Variants in CCDC152 observed in about 807,000 individuals in gnomAD.
The protein encoded by CCDC152 is coiled-coil domain containing 152, also known as coiled-coil domain-containing protein 152.
CCDC152 carries 37 observed loss-of-function variants against 38.1 expected under a neutral mutation model. That is an observed-to-expected ratio of 0.97 (90% CI 0.75 to 1.28). The LOEUF (loss-of-function observed/expected upper bound fraction) is 1.28, where lower values mean the gene tolerates loss of function less well. Among genes scored for constraint, CCDC152 ranks in the 50% most tolerant of loss-of-function variants. The pLI, the probability that CCDC152 is intolerant of heterozygous loss-of-function variation, is 0.00. For synonymous variants in CCDC152, 83 were observed against 87.1 expected (o/e 0.95, Z 0.26); for missense variants, 259 against 292.1 (o/e 0.89, Z 0.83).
chr5:42,763,803 T>TA (rs1759588315), intron 3 of CCDC152, among the ~76,000 whole-genome samples: 1 of 152,148 alleles, frequency 6.6e-6, no homozygotes, highest in Admixed American at 6.5e-5. Flanking sequence ...CCCTAAAAAG[T>TA]AAAGTTTATT....
intron 4 of CCDC152, among the ~76,000 whole-genome samples, chr5:42,771,127 A>G (rs1759694511): frequency 1.3e-5 from 2 of 152,144 alleles, no homozygotes; most frequent in African/African-American, 2.4e-5. Context: ...GATTTCCAAC[A>G]CTATGTTGAA....
chr5:42,775,716 A>G (rs1283627570), intron 4 of CCDC152, among the ~76,000 whole-genome samples: 1 of 152,158 alleles, frequency 6.6e-6, no homozygotes, highest in Non-Finnish European at 1.5e-5. Flanking sequence ...ATTCAAAATT[A>G]TAGCAACAAT....
At chr5:42,765,687 G>C (rs909670116) in intron 3 of CCDC152, among the ~76,000 whole-genome samples, 1 of 152,144 alleles carries the variant, frequency 6.6e-6, no homozygotes, top group Non-Finnish European at 1.5e-5. Context: ...AATAACTGGT[G>C]CTGGGAAAAC....
chr5:42,794,424 G>A (rs1029099211), intron 6 of CCDC152, among the ~76,000 whole-genome samples: 4 of 152,128 alleles, frequency 2.6e-5, no homozygotes, highest in African/African-American at 9.7e-5. Context: ...AAGAAGCTGT[G>A]GAACCAAACG....
chr5:42,783,387 A>G, intron 5 of CCDC152, 87 bp from the exon 6 acceptor site: 1 of 459,278 alleles, frequency 2.2e-6, no homozygotes, highest in African/African-American at 2.1e-5. Context: ...AAAAAGTAAT[A>G]TGAATGGAGA....
chr5:42,769,230 A>G (rs1052887757), intron 3 of CCDC152, among the ~76,000 whole-genome samples: 1 of 151,932 alleles, frequency 6.6e-6, no homozygotes, highest in African/African-American at 2.4e-5. Context: ...CCTGGACGAC[A>G]GGGCAAGACT....
Position 42,800,808 on chromosome 5 carries a change from T to G in CCDC152, c.*1027T>G, listed in dbSNP as rs1254201194. 1 of 1,614,196 alleles carries G rather than the reference T, an allele frequency of 6.2e-7. No individual in the cohort carries two copies. Among genetic ancestry groups the G allele is most frequent in the South Asian group, 1.1e-5 (1 of 91,090 alleles). On this transcript the variant is annotated 3_prime_UTR_variant, in exon 9 of 9. Coordinates refer to ENST00000361970, the MANE Select transcript of CCDC152 (RefSeq NM_001134848.2). Reference sequence around the variant, plus strand: ...TGTGGGTATAAGCTGCTGACTTATTTGTCAGGCAGCTGGAGGCAAACGTCA... The same window carrying G: ...TGTGGGTATAAGCTGCTGACTTATTGGTCAGGCAGCTGGAGGCAAACGTCA...
intron 6 of CCDC152, among the ~76,000 whole-genome samples, chr5:42,788,472 C>G (rs1180646451): frequency 6.6e-6 from 1 of 152,080 alleles, no homozygotes; most frequent in Non-Finnish European, 1.5e-5. Flanking sequence ...TTTTAGCCTT[C>G]TGAACTCAAA....
rs117705755 is a variant in CCDC152 at position 42,791,886 on chromosome 5, C to A, written c.431-4943C>A. 1.6e-3 allele frequency among the ~76,000 whole-genome samples: 238 copies of A among 152,272 alleles called. 11 individuals are homozygous for A. In the East Asian group the frequency reaches 0.038, roughly 25 times the overall value. On this transcript the variant is annotated intron_variant, in intron 6 of 8. Coordinates refer to ENST00000361970, the MANE Select transcript of CCDC152 (RefSeq NM_001134848.2). ...ACTCACATAGCTCTTCCCAGTACAA[C>A]CTAGATAATTCTTGCAGATACTTTT... is the stretch of plus-strand genomic sequence containing the variant.
chr5:42,786,274 G>T (rs554990428), intron 6 of CCDC152, among the ~76,000 whole-genome samples: 31 of 151,662 alleles, frequency 2.0e-4, no homozygotes, highest in Admixed American at 4.6e-4. Flanking sequence ...GTTGTTGTTG[G>T]TATATTTTTT....
chr5:42,795,092 G>A (rs1268956266), intron 6 of CCDC152, among the ~76,000 whole-genome samples: 1 of 152,154 alleles, frequency 6.6e-6, no homozygotes, highest in Non-Finnish European at 1.5e-5. Context: ...AAACTTGAAT[G>A]AATTTCCAAT....
chr5:42,801,421 T>G lies in CCDC152; in HGVS notation c.*1640T>G. 3 of 973,694 alleles carry G rather than the reference T, an allele frequency of 3.1e-6. No homozygotes were observed. Among genetic ancestry groups the G allele is most frequent in the Non-Finnish European group, 3.0e-6 (2 of 657,836 alleles). The allele number at this position is 973,694 out of a possible 1,614,324, so 60.3% of individuals were successfully genotyped here. A position where few individuals can be genotyped will look rare whatever the true frequency, so the allele number is the denominator to read the frequency against. On this transcript the variant is annotated 3_prime_UTR_variant, in exon 9 of 9. Transcript: ENST00000361970. ...GATTTGTAGAGCTAACATGTGAAATTCCAACTAGTTAATTAGAATCGAGCT... is the reference window on the plus strand; with the variant it reads ...GATTTGTAGAGCTAACATGTGAAATGCCAACTAGTTAATTAGAATCGAGCT...
In CCDC152 at chr5:42,799,474, T is replaced by TTA; in HGVS notation, c.642+16_642+17insTA. 1 of 1,456,866 alleles carries TTA rather than the reference T, an allele frequency of 6.9e-7. No individual in the cohort carries two copies. The highest frequency in any genetic ancestry group is 9.3e-7 in the Non-Finnish European group (1 of 1,075,798). 90.2% of individuals were successfully genotyped at this position (1,456,866 alleles called of 1,614,324 possible). ...CTACAGAAGGGTATGTGAGTTTTCC[T>TTA]CTCAGTATTTGTTGCTTAAGAAAAC... On this transcript the variant is annotated intron_variant, in intron 8 of 8. Transcript: ENST00000361970.
chr5:42,796,164 C>T (rs1032555973), intron 6 of CCDC152, among the ~76,000 whole-genome samples: 1 of 151,458 alleles, frequency 6.6e-6, no homozygotes, highest in Admixed American at 6.6e-5. Context: ...ATGGGTGCAG[C>T]ACACCAGCAT....
At position 42,799,994 on chromosome 5, in the gene CCDC152, G is replaced by A. The variant is rs1405278413; in HGVS notation, c.*213G>A. 14 of 511,552 alleles carry A rather than the reference G, an allele frequency of 2.7e-5. No individual in the cohort carries two copies. The highest frequency in any genetic ancestry group is 4.7e-5 in the Non-Finnish European group (14 of 297,836). The allele number at this position is 511,552 out of a possible 1,614,324, so 31.7% of individuals were successfully genotyped here. On this transcript the variant is annotated 3_prime_UTR_variant, in exon 9 of 9. Transcript: ENST00000361970. Reference sequence around the variant, plus strand: ...AAAGGAGGTCAGGTTTATAGGGTTTGGTTTACCTATTAAACCATCATTGAC... The same window carrying A: ...AAAGGAGGTCAGGTTTATAGGGTTTAGTTTACCTATTAAACCATCATTGAC...
chr5:42,799,542 C>T, intron 8 of CCDC152, 84 bp downstream of exon 8: 1 of 1,162,144 alleles, frequency 8.6e-7, no homozygotes, highest in Non-Finnish European at 1.2e-6. Flanking sequence ...TTCTTATTAA[C>T]AATATAAGGT....
rs896096724 is a variant in CCDC152 at position 42,788,658 on chromosome 5, T to C, written c.430+5082T>C. ...TTCTTACTGAATTCTTAGTGTTCTT[T>C]ATATATTTTTGGATATAAATCCTTT... On this transcript the variant is annotated intron_variant, in intron 6 of 8. Coordinates refer to ENST00000361970, the MANE Select transcript of CCDC152 (RefSeq NM_001134848.2). Among the ~76,000 whole-genome samples the C allele has an allele frequency of 2.0e-5, 3 of 152,226 alleles. No homozygotes were observed. The South Asian group carries it at 6.2e-4, about 32-fold the overall frequency.
In CCDC152 at chr5:42,765,544, T is replaced by C. The variant is rs1391019559; in HGVS notation, c.193+2996T>C. On this transcript the variant is annotated intron_variant, in intron 3 of 8. Coordinates refer to ENST00000361970, the MANE Select transcript of CCDC152 (RefSeq NM_001134848.2). ...CAGAGCTACAGTAAGCAAAACAGTATGATACTGGCATAAAAACAGACACAT... is the reference window on the plus strand; with the variant it reads ...CAGAGCTACAGTAAGCAAAACAGTACGATACTGGCATAAAAACAGACACAT... Among the ~76,000 whole-genome samples the C allele has an allele frequency of 2.6e-5, 4 of 152,134 alleles. No individual in the cohort carries two copies. In the East Asian group the frequency reaches 5.8e-4, roughly 22 times the overall value.
At chr5:42,790,721 A>G (rs1759987814) in intron 6 of CCDC152, among the ~76,000 whole-genome samples, 1 of 151,868 alleles carries the variant, frequency 6.6e-6, no homozygotes, top group Non-Finnish European at 1.5e-5. Context: ...TTTCTAAGAA[A>G]GTTTCAACAA....
Sources: gnomAD v4.1 joint callset for allele counts (sites outside exome capture counted in the v4.1 genomes callset) on GRCh38, gnomAD v4.1.1 for gene constraint, MANE v1.5 for transcripts, NCBI Gene and HGNC (gene_info 2026-07-23, HGNC 2026-07-21) for gene names.